MMS22L: variants seen among roughly 807,000 people sequenced by gnomAD.
MMS22L encodes MMS22 like, DNA repair protein.
Under a neutral mutation model 159.1 loss-of-function variants are expected in MMS22L, and 74 were observed. That is an observed-to-expected ratio of 0.47 (90% CI 0.39 to 0.56). The LOEUF (loss-of-function observed/expected upper bound fraction) is 0.56. Ranked by LOEUF, MMS22L falls within the 20% of genes least tolerant of loss-of-function variation. MMS22L has a pLI of 0.00. For missense variants in MMS22L, 1,351 were observed against 1,422.1 expected, an observed-to-expected ratio of 0.95 and a Z score of 0.80; for synonymous variants, 517 against 506.9, an observed-to-expected ratio of 1.02 and a Z score of -0.27.
In MMS22L at chr6:97,263,449, C is replaced by A; in HGVS notation, c.829-1G>T. 6.6e-7 allele frequency: 1 copy of A among 1,505,254 alleles called. No individual in the cohort carries two copies. The highest frequency in any genetic ancestry group is 8.9e-7 in the Non-Finnish European group (1 of 1,127,438). 93.2% of individuals were successfully genotyped at this position (1,505,254 alleles called of 1,614,324 possible). A position where few individuals can be genotyped will look rare whatever the true frequency, so the allele number is the denominator to read the frequency against. On this transcript the variant is annotated splice_acceptor_variant, in intron 8 of 24. Coordinates refer to ENST00000683635, the MANE Select transcript of MMS22L (RefSeq NM_001350599.2). LOFTEE classifies it high-confidence loss of function. ...TCATTAATGATTCAGAAGACCTAAC[C>A]TATAGAAAATAACCAAAATGTGTTA...
chr6:97,233,652 A>G (rs964007475), intron 12 of MMS22L, among the ~76,000 whole-genome samples: 1 of 152,160 alleles, frequency 6.6e-6, no homozygotes, highest in Non-Finnish European at 1.5e-5. Flanking sequence ...TGCTCTCAAG[A>G]GAAAAAGGAT....
chr6:97,164,912 C>A (rs917822516), intron 21 of MMS22L, among the ~76,000 whole-genome samples: 1 of 152,064 alleles, frequency 6.6e-6, no homozygotes, highest in Non-Finnish European at 1.5e-5. Flanking sequence ...AGCCACCACA[C>A]CCAGCCAAAT....
chr6:97,268,098 C>A, intron 7 of MMS22L, 96 bp from the exon 8 acceptor site: 1 of 879,644 alleles, frequency 1.1e-6, no homozygotes, highest in Non-Finnish European at 1.6e-6. Context: ...AAAACTAAAA[C>A]ATACAGTTTT....
intron 6 of MMS22L, chr6:97,272,099 T>C (rs1815802849): frequency 1.3e-5 from 2 of 152,234 alleles, no homozygotes; most frequent in South Asian, 4.1e-4. Flanking sequence ...TTGTTATTCA[T>C]ATAAGCTCCC....
rs1811119936 is a variant in MMS22L, at chr6:97,233,846, A to G, written c.1302+15T>C. ...TTTAAAATTCCTGGAGCAAATTCCT[A>G]TTCTATTCACTCACCAGGTTCTTAC... On this transcript the variant is annotated intron_variant, in intron 12 of 24. Coordinates refer to ENST00000683635, the MANE Select transcript of MMS22L (RefSeq NM_001350599.2). The G allele has an allele frequency of 6.3e-7, 1 of 1,588,216 alleles. No homozygotes were observed. The highest frequency in any genetic ancestry group is 8.5e-7 in the Non-Finnish European group (1 of 1,170,248).
chr6:97,162,204 C>A, intron 21 of MMS22L, 39 bp from the exon 22 acceptor site: 1 of 1,554,332 alleles, frequency 6.4e-7, no homozygotes, highest in Non-Finnish European at 8.7e-7. Context: ...CTGCTTAAAG[C>A]TTCAATAGAG....
In MMS22L at chr6:97,168,097, G is replaced by C; in HGVS notation, c.2983C>G (p.Gln995Glu). 6.2e-7 allele frequency: 1 copy of C among 1,610,926 alleles called. No individual in the cohort carries two copies. The highest frequency in any genetic ancestry group is 1.1e-5 in the South Asian group (1 of 90,402). Residue 995 changes from glutamine (Q) to glutamate (E), a missense_variant, in exon 20 of 25, where the codon CAG (glutamine) becomes GAG (glutamate). Transcript: ENST00000683635. ...ELPAPMLSAI[Q>E]KSLPLYLQGM... ...TGGAGATACAAAGGAAGACTTTTCTGAATTGCTGACAACATAGGTGCAGGC... is the reference window on the plus strand; with the variant it reads ...TGGAGATACAAAGGAAGACTTTTCTCAATTGCTGACAACATAGGTGCAGGC...
chr6:97,211,212 T>C (rs1808337316), intron 14 of MMS22L, among the ~76,000 whole-genome samples: 1 of 152,036 alleles, frequency 6.6e-6, no homozygotes, highest in Non-Finnish European at 1.5e-5. Context: ...TTTAAGATTA[T>C]GACATTTATA....
At chr6:97,241,624 C>T (rs1422858763) in intron 11 of MMS22L, among the ~76,000 whole-genome samples, 1 of 152,088 alleles carries the variant, frequency 6.6e-6, no homozygotes, top group African/African-American at 2.4e-5. Context: ...TATTCATGTC[C>T]TTAGCCCACT....
intron 8 of MMS22L, chr6:97,264,328 G>C (rs1814838106): frequency 6.6e-6 from 1 of 151,858 alleles, no homozygotes; most frequent in African/African-American, 2.4e-5. Flanking sequence ...ACAGTTATTA[G>C]GGATTTATAA....
At position 97,160,654 on chromosome 6, in the gene MMS22L, A is replaced by G. The variant is rs367819552; in HGVS notation, c.3385+1348T>C. ...ATGTATAAGTTAATATTCTTGAATA[A>G]ACTTGAAAAAATTTTAGAAATTATA... On this transcript the variant is annotated intron_variant, in intron 22 of 24. Transcript: ENST00000683635. Among the ~76,000 whole-genome samples, 6 of 152,026 alleles carry G rather than the reference A, an allele frequency of 3.9e-5. No homozygotes were observed. The East Asian group carries it at 5.8e-4, about 15-fold the overall frequency.
At chr6:97,268,897 G>A in intron 7 of MMS22L, among the ~76,000 whole-genome samples, 1 of 151,846 alleles carries the variant, frequency 6.6e-6, no homozygotes, top group East Asian at 1.9e-4. Flanking sequence ...ATATATGTAA[G>A]TATATACATA....
intron 14 of MMS22L, among the ~76,000 whole-genome samples, chr6:97,224,733 A>T (rs1810038224): frequency 3.4e-5 from 5 of 145,182 alleles, no homozygotes; most frequent in Admixed American, 1.4e-4. Flanking sequence ...TTCATCTCTA[A>T]TTTTTTTTTT....
chr6:97,197,189 A>G (rs1025023532), intron 14 of MMS22L, among the ~76,000 whole-genome samples: 1 of 152,190 alleles, frequency 6.6e-6, no homozygotes, highest in African/African-American at 2.4e-5. Flanking sequence ...CATTATAACT[A>G]TAAGGAACTA....
intron 14 of MMS22L, among the ~76,000 whole-genome samples, chr6:97,226,716 T>G (rs1463465071): frequency 2.0e-5 from 3 of 152,118 alleles, no homozygotes; most frequent in African/African-American, 7.2e-5. Flanking sequence ...TATATATGTA[T>G]GTAGGTAGGA....
chr6:97,174,082 A>G (rs893942809), intron 18 of MMS22L, among the ~76,000 whole-genome samples: 15 of 151,628 alleles, frequency 9.9e-5, no homozygotes, highest in Non-Finnish European at 1.8e-4. Flanking sequence ...GTGAAACCCC[A>G]TCTCTACTAA....
At chr6:97,275,540 T>TTAA (rs1307541340) in intron 4 of MMS22L, among the ~76,000 whole-genome samples, 4 of 151,916 alleles carry the variant, frequency 2.6e-5, no homozygotes, top group African/African-American at 7.3e-5. Context: ...AGAAGAATTA[T>TTAA]TAATAGCAGC....
At chr6:97,222,595 G>A (rs1809769522) in intron 14 of MMS22L, among the ~76,000 whole-genome samples, 1 of 151,892 alleles carries the variant, frequency 6.6e-6, no homozygotes, top group African/African-American at 2.4e-5. Flanking sequence ...AGAACAAACA[G>A]GTACAAATCC....
At chr6:97,266,633 A>G (rs1215913584) in intron 8 of MMS22L, 1 of 152,232 alleles carries the variant, frequency 6.6e-6, no homozygotes, top group African/African-American at 2.4e-5. Context: ...AAACTTTGTT[A>G]CACAGTGTAT....
Sources: allele counts gnomAD v4.1 joint callset (sites outside exome capture counted in the v4.1 genomes callset), GRCh38; gene constraint gnomAD v4.1.1; transcripts MANE v1.5; gene names NCBI Gene and HGNC (gene_info 2026-07-23, HGNC 2026-07-21).